STS: variants seen among roughly 807,000 people sequenced by gnomAD.
STS encodes steroid sulfatase.
STS carries 7 observed loss-of-function variants against 26.8 expected under a neutral mutation model. That is an observed-to-expected ratio of 0.26 (90% confidence interval 0.15 to 0.49). The LOEUF (loss-of-function observed/expected upper bound fraction) is 0.49. STS is among the 20% of genes least tolerant of loss of function. The pLI is 0.98. For missense variants in STS, 434 were observed against 465.6 expected (o/e 0.93, Z 0.63); for synonymous variants, 199 against 189.4 (o/e 1.05, Z -0.42).
intron 3 of STS, 133 bp downstream of exon 3, chrX:7,253,469 T>C (rs1451343061): frequency 4.5e-6 from 4 of 887,774 alleles, no homozygotes; most frequent in Non-Finnish European, 4.9e-6. Context: ...CCTGGCTTCA[T>C]GTAGATACAC....
At chrX:7,283,522 G>A (rs1452090668) in intron 7 of STS, among the ~76,000 whole-genome samples, 7 of 111,814 alleles carry the variant, frequency 6.3e-5, no homozygotes, top group African/African-American at 2.0e-4. Flanking sequence ...CTTTCAAGAG[G>A]AATGGAAGAA....
Position 7,273,182 on chromosome X carries a change from A to G in STS, c.807-2769A>G, listed in dbSNP as rs186811561. On this transcript the variant is annotated intron_variant, in intron 6 of 10. Transcript: ENST00000674429. ...AAATAATAACAAAAAAATAAGCTCC[A>G]GACCCTACAACCATGCCTGGCCTGT... Among the ~76,000 whole-genome samples the G allele has an allele frequency of 4.5e-3, 507 of 111,550 alleles. 5 individuals carry two copies. Among genetic ancestry groups the G allele is most frequent in the Non-Finnish European group, 7.6e-3 (403 of 53,090 alleles).
At chrX:7,225,546 T>C (rs1198354461) in intron 2 of STS, among the ~76,000 whole-genome samples, 1 of 111,595 alleles carries the variant, frequency 9.0e-6, no homozygotes, top group Non-Finnish European at 1.9e-5. Context: ...AGAGACTCAG[T>C]GCCCAGGTTT....
chrX:7,308,016 C>T (rs1386641808), intron 8 of STS, among the ~76,000 whole-genome samples: 1 of 112,462 alleles, frequency 8.9e-6, no homozygotes, highest in African/African-American at 3.2e-5. Context: ...TCAAAGCTAG[C>T]TAGGTGCCTG....
At chrX:7,240,020 G>A (rs1247466257) in intron 2 of STS, among the ~76,000 whole-genome samples, 1 of 108,716 alleles carries the variant, frequency 9.2e-6, no homozygotes, top group Non-Finnish European at 1.9e-5. Context: ...GAGTAGCTGG[G>A]ACTACAGGCA....
At chrX:7,308,231 C>T (rs768403432) in intron 8 of STS, among the ~76,000 whole-genome samples, 4 of 112,212 alleles carry the variant, frequency 3.6e-5, no homozygotes, top group African/African-American at 1.3e-4. Flanking sequence ...CTGCATTCCA[C>T]GCTCTAGTTC....
intron 6 of STS, among the ~76,000 whole-genome samples, chrX:7,264,287 C>A (rs1327397730): frequency 8.9e-6 from 1 of 112,326 alleles, no homozygotes; most frequent in African/African-American, 3.2e-5. Context: ...GGATGTCGTG[C>A]AATTCCTAAG....
chrX:7,350,358 C>G lies in STS; in HGVS notation c.*97C>G, dbSNP rs2039793838. 9.2e-7 allele frequency: 1 copy of G among 1,085,093 alleles called. No individual in the cohort carries two copies. Among genetic ancestry groups the G allele is most frequent in the African/African-American group, 1.8e-5 (1 of 54,456 alleles). 89.4% of individuals were successfully genotyped at this position (1,085,093 alleles called of 1,213,427 possible). ...CACTGGGGAAACATAACTCCATCTA[C>G]ACCTTGGATTTGGACTGATTCTCCA... is the stretch of plus-strand genomic sequence containing the variant. On this transcript the variant is annotated 3_prime_UTR_variant, in exon 11 of 11. Coordinates refer to ENST00000674429, the MANE Select transcript of STS (RefSeq NM_001320752.2).
intron 2 of STS, among the ~76,000 whole-genome samples, chrX:7,231,598 C>G (rs769767601): frequency 9.0e-6 from 1 of 111,343 alleles, no homozygotes; most frequent in African/African-American, 3.3e-5. Context: ...GTGCAAATAA[C>G]TCACAGTCTG....
At chrX:7,249,418 T>A (rs923387377) in intron 2 of STS, among the ~76,000 whole-genome samples, 22 of 111,498 alleles carry the variant, frequency 2.0e-4, no homozygotes, top group Non-Finnish European at 3.6e-4. Flanking sequence ...GCCCATGAGA[T>A]GGAGCTCAGT....
At chrX:7,274,952 C>G (rs1033456671) in intron 6 of STS, among the ~76,000 whole-genome samples, 6 of 111,904 alleles carry the variant, frequency 5.4e-5, no homozygotes, top group African/African-American at 1.6e-4. Context: ...GAATACTATT[C>G]ACCTTTAAAA....
intron 1 of STS, among the ~76,000 whole-genome samples, chrX:7,173,551 C>T (rs758424631): frequency 3.6e-5 from 4 of 112,066 alleles, no homozygotes; most frequent in Non-Finnish European, 7.5e-5. Flanking sequence ...ATTTACATTC[C>T]GACCAACAGT....
At chrX:7,237,775 C>T (rs1922390168) in intron 2 of STS, among the ~76,000 whole-genome samples, 1 of 110,577 alleles carries the variant, frequency 9.0e-6, no homozygotes, top group African/African-American at 3.3e-5. Context: ...ACCCATTGCC[C>T]CCATCATCCA....
intron 2 of STS, among the ~76,000 whole-genome samples, chrX:7,215,018 A>G (rs1373447761): frequency 6.9e-5 from 5 of 72,562 alleles, no homozygotes; most frequent in African/African-American, 9.4e-5. Flanking sequence ...ACGTATATAT[A>G]TATATTATAT....
chrX:7,152,696 G>C (rs773022590), intron 1 of STS, among the ~76,000 whole-genome samples: 2 of 112,981 alleles, frequency 1.8e-5, no homozygotes, highest in Admixed American at 1.9e-4. Flanking sequence ...TTGCAGGGAG[G>C]AGGGGAGACA....
chrX:7,333,907 C>T, intron 9 of STS, 79 bp from the exon 10 acceptor site: 1 of 1,192,850 alleles, frequency 8.4e-7, no homozygotes, highest in South Asian at 1.8e-5. Context: ...GGAGCTCCCT[C>T]ATGCTCTTAT....
At chrX:7,324,740 C>T (rs1238067228) in intron 8 of STS, among the ~76,000 whole-genome samples, 3 of 111,378 alleles carry the variant, frequency 2.7e-5, no homozygotes, top group African/African-American at 9.8e-5. Flanking sequence ...TCAGGTTAAA[C>T]CTTTAGAATG....
In STS at chrX:7,191,801, T is replaced by A. The variant is rs775519593; in HGVS notation, c.-5+793T>A. 9.9e-4 allele frequency among the ~76,000 whole-genome samples: 110 copies of A among 111,391 alleles called. 1 individual carries two copies. The highest frequency in any genetic ancestry group is 3.4e-3 in the African/African-American group (104 of 30,658). On this transcript the variant is annotated intron_variant, in intron 2 of 10. Coordinates refer to ENST00000674429, the MANE Select transcript of STS (RefSeq NM_001320752.2). ...TGATGGAGGTGAGGGCATACCCAGG[T>A]CCCTCCCTGCAGGAAGAGCTCCTCC...
chrX:7,349,315 CCTTTTTTTTTTT>C lies in STS; in HGVS notation c.1364-572_1364-561del, dbSNP rs1928673289. Among the ~76,000 whole-genome samples the C allele has an allele frequency of 1.4e-3, 29 of 20,287 alleles. 1 individual carries two copies. The highest frequency in any genetic ancestry group is 5.1e-3 in the African/African-American group (29 of 5,705). 17.6% of individuals were successfully genotyped at this position (20,287 alleles called of 115,157 possible). A position where few individuals can be genotyped will look rare whatever the true frequency, so the allele number is the denominator to read the frequency against. ...CGCTGCACTCGGCCCTCATTTAATT[CCTTTTTTTTTTT>C]TTTTTTTTTTTTTTTTTTTTTTTTT... is the stretch of plus-strand genomic sequence containing the variant. On this transcript the variant is annotated intron_variant, in intron 10 of 10. Coordinates refer to ENST00000674429, the MANE Select transcript of STS (RefSeq NM_001320752.2).
Sources: gnomAD v4.1 joint callset for allele counts (sites outside exome capture counted in the v4.1 genomes callset) on GRCh38, gnomAD v4.1.1 for gene constraint, MANE v1.5 for transcripts, NCBI Gene and HGNC (gene_info 2026-07-23, HGNC 2026-07-21) for gene names.